The following EPHA5 variants were observed in gnomAD, a reference collection of about 807,000 sequenced individuals.
EPHA5 encodes ephrin type-A receptor 5.
In EPHA5, 60 loss-of-function variants were observed where a neutral mutation model predicts 105.0. The ratio of observed to expected loss-of-function variants is 0.57; its 90% CI spans 0.46 to 0.71. The LOEUF (loss-of-function observed/expected upper bound fraction) is 0.71, where lower values mean the gene tolerates loss of function less well. Among genes scored for constraint, EPHA5 ranks in the 30% least tolerant of loss-of-function variants. The pLI, the probability that EPHA5 is intolerant of heterozygous loss-of-function variation, is 0.00. For synonymous variants in EPHA5, 513 were observed against 449.1 expected, an observed-to-expected ratio of 1.14 and a Z score of -1.80; for missense variants, 1,218 against 1,274.7, an observed-to-expected ratio of 0.96 and a Z score of 0.68.
chr4:65,590,481 G>T (rs1047198828), intron 3 of EPHA5, among the ~76,000 whole-genome samples: 2 of 152,064 alleles, frequency 1.3e-5, no homozygotes, highest in African/African-American at 4.8e-5. Flanking sequence ...TTGTTATTGC[G>T]AATTATACAC....
At chr4:65,559,414 C>T (rs1235124351) in intron 3 of EPHA5, among the ~76,000 whole-genome samples, 1 of 152,104 alleles carries the variant, frequency 6.6e-6, no homozygotes, top group Non-Finnish European at 1.5e-5. Flanking sequence ...GGGCAGAGGA[C>T]GCTCCCCATT....
intron 3 of EPHA5, among the ~76,000 whole-genome samples, chr4:65,504,584 C>T (rs1732819467): frequency 1.3e-5 from 2 of 151,848 alleles, no homozygotes; most frequent in South Asian, 4.1e-4. Flanking sequence ...GAAAGACATT[C>T]TGTAGTGATG....
At chr4:65,525,126 CTT>C (rs2149288982) in intron 3 of EPHA5, among the ~76,000 whole-genome samples, 1 of 151,702 alleles carries the variant, frequency 6.6e-6, no homozygotes, top group African/African-American at 2.4e-5. Context: ...TATATTAAAA[CTT>C]ATAATTCTTC....
chr4:65,366,059 T>C lies in EPHA5; in HGVS notation c.1862-2A>G. On this transcript the variant is annotated splice_acceptor_variant, in intron 9 of 16. Transcript: ENST00000613740. LOFTEE classifies it high-confidence loss of function. ...AAGTTCTTACTCCTGGCAGTTTAAC[T>C]GTAAATATAAATTGGCATTAAAACA... 3 of 1,594,114 alleles carry C rather than the reference T, an allele frequency of 1.9e-6. No individual in the cohort carries two copies. The highest frequency in any genetic ancestry group is 1.7e-6 in the Non-Finnish European group (2 of 1,165,396).
At chr4:65,518,559 GA>G (rs1332364052) in intron 3 of EPHA5, among the ~76,000 whole-genome samples, 1 of 151,824 alleles carries the variant, frequency 6.6e-6, no homozygotes, top group Non-Finnish European at 1.5e-5. Context: ...ACAATCTCTG[GA>G]TATAACAGAA....
intron 1 of EPHA5, among the ~76,000 whole-genome samples, chr4:65,644,886 C>T (rs1377892851): frequency 7.3e-5 from 11 of 151,642 alleles, no homozygotes; most frequent in African/African-American, 2.7e-4. Flanking sequence ...GCTAAATATA[C>T]TTTATTCATC....
chr4:65,588,158 A>G (rs1020325695), intron 3 of EPHA5, among the ~76,000 whole-genome samples: 1 of 152,136 alleles, frequency 6.6e-6, no homozygotes, highest in Non-Finnish European at 1.5e-5. Flanking sequence ...TGTCAAGCTT[A>G]AAAGAGTGAA....
intron 5 of EPHA5, among the ~76,000 whole-genome samples, chr4:65,454,199 G>A (rs183667211): frequency 1.3e-4 from 20 of 152,204 alleles, no homozygotes; most frequent in Admixed American, 3.3e-4. Flanking sequence ...AGAATCGCTT[G>A]AACTCAGGAG....
intron 5 of EPHA5, among the ~76,000 whole-genome samples, chr4:65,465,467 AAAAGAAAGAAAGAAAGAAAGAAAG>A (rs749079632): frequency 1.3e-5 from 1 of 75,022 alleles, no homozygotes; most frequent in Non-Finnish European, 2.5e-5. Flanking sequence ...AAAAGAAAGA[AAAAGAAAGAAAGAAAGAAAGAAAG>A]AAAGAAAGAA....
chr4:65,472,704 T>C (rs962785868), intron 5 of EPHA5, among the ~76,000 whole-genome samples: 3 of 152,118 alleles, frequency 2.0e-5, no homozygotes, highest in Non-Finnish European at 2.9e-5. Flanking sequence ...AGTGCCACAG[T>C]TGCACAGAGC....
intron 2 of EPHA5, among the ~76,000 whole-genome samples, chr4:65,616,366 G>T (rs1392136785): frequency 6.6e-6 from 1 of 150,780 alleles, no homozygotes; most frequent in African/African-American, 2.4e-5. Flanking sequence ...TCTCTGTTTG[G>T]TATCATACAG....
intron 3 of EPHA5, among the ~76,000 whole-genome samples, chr4:65,508,892 A>G (rs548838790): frequency 2.8e-4 from 42 of 152,286 alleles, no homozygotes; most frequent in African/African-American, 9.9e-4. Context: ...GAATATAAAT[A>G]TAGTACAGGA....
intron 2 of EPHA5, among the ~76,000 whole-genome samples, chr4:65,625,769 T>C (rs947523020): frequency 6.6e-6 from 1 of 152,210 alleles, no homozygotes; most frequent in Non-Finnish European, 1.5e-5. Flanking sequence ...CACAACCAAC[T>C]TCCAGATCCC....
chr4:65,471,503 G>A (rs1729279704), intron 5 of EPHA5, among the ~76,000 whole-genome samples: 1 of 152,106 alleles, frequency 6.6e-6, no homozygotes, highest in South Asian at 2.1e-4. Context: ...GTATTAGTCT[G>A]TTTTTACACT....
intron 1 of EPHA5, among the ~76,000 whole-genome samples, chr4:65,660,371 A>G (rs749155155): frequency 3.9e-5 from 6 of 152,148 alleles, no homozygotes; most frequent in African/African-American, 1.2e-4. Flanking sequence ...GGATAGCTCT[A>G]TAGAAAATGT....
intron 15 of EPHA5, 56 bp from the exon 16 acceptor site, chr4:65,332,184 A>C: frequency 7.1e-7 from 1 of 1,398,950 alleles, no homozygotes; most frequent in Non-Finnish European, 9.6e-7. Flanking sequence ...TTTATAACAA[A>C]GTTTACTATA....
Position 65,653,261 on chromosome 4 carries a change from T to A in EPHA5, c.182-9834A>T, listed in dbSNP as rs1341790209. On this transcript the variant is annotated intron_variant, in intron 1 of 16. Coordinates refer to ENST00000613740, the MANE Select transcript of EPHA5 (RefSeq NM_001281766.3). ...AACAAACAACTTGATGACCTAGTACTCCTGATGTAAAAGGAGAAGTGACCC... is the reference window on the plus strand; with the variant it reads ...AACAAACAACTTGATGACCTAGTACACCTGATGTAAAAGGAGAAGTGACCC... Among the ~76,000 whole-genome samples the A allele has an allele frequency of 3.9e-5, 6 of 152,216 alleles. No individual in the cohort carries two copies. In the East Asian group the frequency reaches 1.2e-3, roughly 29 times the overall value.
chr4:65,576,044 A>G (rs1740915958), intron 3 of EPHA5, among the ~76,000 whole-genome samples: 2 of 119,072 alleles, frequency 1.7e-5, no homozygotes, highest in African/African-American at 6.7e-5. Flanking sequence ...GAAAGAAAGA[A>G]AGAAAGAAAG....
At chr4:65,657,037 AT>A (rs1191340525) in intron 1 of EPHA5, among the ~76,000 whole-genome samples, 2 of 151,882 alleles carry the variant, frequency 1.3e-5, no homozygotes, top group Non-Finnish European at 2.9e-5. Context: ...TTTATCACAC[AT>A]TTTAAACTTT....
Sources: gnomAD v4.1 joint callset for allele counts (sites outside exome capture counted in the v4.1 genomes callset) on GRCh38, gnomAD v4.1.1 for gene constraint, MANE v1.5 for transcripts, NCBI Gene and HGNC (gene_info 2026-07-23, HGNC 2026-07-21) for gene names.